SOCS6: variants seen among roughly 807,000 people sequenced by gnomAD.
SOCS6 encodes suppressor of cytokine signaling 6.
In SOCS6, 5 loss-of-function variants were observed where a neutral mutation model predicts 27.7. The ratio of observed to expected loss-of-function variants is 0.18; its 90% CI spans 0.09 to 0.38. The LOEUF is 0.38. SOCS6 is among the 10% of genes least tolerant of loss of function. The pLI is 1.00. For synonymous variants in SOCS6, 271 were observed against 260.0 expected (o/e 1.04, Z -0.41); for missense variants, 595 against 688.1 (o/e 0.86, Z 1.51).
Position 70,325,096 on chromosome 18 carries a change from A to C in SOCS6, c.428A>C (p.Asn143Thr), listed in dbSNP as rs1335923028. ...GCGCCGTGGCCTCTGCGGCCCACAA[A>C]CTCCGAGGAGACCTGCATCAAGATG... ...SPAPWPLRPT[N>T]SEETCIKMEV... Residue 143 changes from asparagine to threonine, a missense_variant, in exon 2 of 2, where the codon AAC becomes ACC. Around this residue, in one of 2 missense-constraint regions of SOCS6, gnomAD observed 467 missense variants for 481.1 expected, o/e 0.97. Transcript: ENST00000397942. This position sits in a 1 kb window ranked among gnomAD's most constrained non-coding sequence, Gnocchi z 6.3. 6.2e-7 allele frequency: 1 copy of C among 1,613,946 alleles called. No individual in the cohort carries two copies.
intron 1 of SOCS6, among the ~76,000 whole-genome samples, chr18:70,313,622 C>T (rs1408668213): frequency 1.3e-5 from 2 of 152,204 alleles, no homozygotes; most frequent in East Asian, 1.9e-4. Context: ...CATCATCATT[C>T]ATTGATAGTT....
chr18:70,309,497 A>T (rs1393192909), intron 1 of SOCS6, among the ~76,000 whole-genome samples: 1 of 151,480 alleles, frequency 6.6e-6, no homozygotes, highest in African/African-American at 2.4e-5. Context: ...TGCCAATTTA[A>T]TTCCTCTCTT....
Position 70,325,069 on chromosome 18 carries a change from C to T in SOCS6, c.401C>T (p.Pro134Leu), listed in dbSNP as rs762386375. Residue 134 changes from proline to leucine, a missense_variant, in exon 2 of 2, where the codon CCC becomes CTC. Pro to Leu is a moderately conservative substitution (Grantham distance 98, BLOSUM62 -3). Transcript: ENST00000397942. The surrounding 1 kb of genome is among the most constrained non-coding windows in gnomAD (Gnocchi z 6.3). ...TCGCTCCGCAGCCATCACTACAGTC[C>T]CGCGCCGTGGCCTCTGCGGCCCACA... is the stretch of plus-strand genomic sequence containing the variant. The part of the protein sequence containing the change: ...STSLRSHHYS[P>L]APWPLRPTNS... 6.2e-7 allele frequency: 1 copy of T among 1,614,030 alleles called. No homozygotes were observed. Among genetic ancestry groups the T allele is most frequent in the Non-Finnish European group, 8.5e-7 (1 of 1,180,042 alleles).
At position 70,328,038 on chromosome 18, in the gene SOCS6, T is replaced by G. The variant is rs191950305; in HGVS notation, c.*1762T>G. 7.8e-5 allele frequency: 13 copies of G among 167,100 alleles called. No individual in the cohort carries two copies. The East Asian group carries it at 2.5e-3, about 32-fold the overall frequency. The allele number at this position is 167,100 out of a possible 1,614,324, so 10.4% of individuals were successfully genotyped here. A position where few individuals can be genotyped will look rare whatever the true frequency, so the allele number is the denominator to read the frequency against. On this transcript the variant is annotated 3_prime_UTR_variant, in exon 2 of 2. Transcript: ENST00000397942. The stretch of plus-strand genomic sequence containing the variant: ...TTTTGGTGGGATGTTGATTGTACCT[T>G]GTTAAAAAGACTCTCATTTTCTCAT...
At chr18:70,318,469 A>C (rs1910851045) in intron 1 of SOCS6, among the ~76,000 whole-genome samples, 1 of 152,200 alleles carries the variant, frequency 6.6e-6, no homozygotes, top group Non-Finnish European at 1.5e-5. Context: ...CACTTAGTAC[A>C]ACTAGCTGGT....
intron 1 of SOCS6, among the ~76,000 whole-genome samples, chr18:70,312,231 G>T (rs926175756): frequency 3.3e-5 from 5 of 152,054 alleles, no homozygotes; most frequent in African/African-American, 1.2e-4. Flanking sequence ...ACTTAACAGG[G>T]TTATAACAAA....
chr18:70,291,036 C>T (rs1468712325), intron 1 of SOCS6, among the ~76,000 whole-genome samples: 2 of 152,324 alleles, frequency 1.3e-5, no homozygotes, highest in Non-Finnish European at 2.9e-5. Context: ...TTTTGCCTTC[C>T]AGTGTTTTTC....
chr18:70,302,193 A>T (rs1039052321), intron 1 of SOCS6, among the ~76,000 whole-genome samples: 1 of 152,146 alleles, frequency 6.6e-6, no homozygotes, highest in Non-Finnish European at 1.5e-5. Flanking sequence ...GCAAGGTAGC[A>T]GAATGGAGTA....
At chr18:70,306,477 C>CAAAAAAAAA (rs55702216) in intron 1 of SOCS6, among the ~76,000 whole-genome samples, 1 of 92,696 alleles carries the variant, frequency 1.1e-5, no homozygotes, top group Admixed American at 1.3e-4. Context: ...GACTCCATCT[C>CAAAAAAAAA]AAAAAAAAAA....
At chr18:70,321,486 A>ATTTTTTT (rs765150837) in intron 1 of SOCS6, among the ~76,000 whole-genome samples, 1,557 of 112,520 alleles carry the variant, frequency 0.014, 50 homozygotes, top group African/African-American at 0.052. Flanking sequence ...ATGCCTGGCT[A>ATTTTTTT]TTTTTTTTTT....
In SOCS6 at chr18:70,327,017, A is replaced by G. The variant is rs1485703818; in HGVS notation, c.*741A>G. On this transcript the variant is annotated 3_prime_UTR_variant, in exon 2 of 2. Transcript: ENST00000397942. ...GTAAAGAAATGTATACCACCAATTT[A>G]GAAATTGTTGCCTTTTCTGTAATTA... 6.0e-6 allele frequency: 1 copy of G among 166,174 alleles called. No individual in the cohort carries two copies. Among genetic ancestry groups the G allele is most frequent in the Non-Finnish European group, 1.5e-5 (1 of 68,102 alleles). The allele number at this position is 166,174 out of a possible 1,614,324, so 10.3% of individuals were successfully genotyped here. A position where few individuals can be genotyped will look rare whatever the true frequency, so the allele number is the denominator to read the frequency against.
At position 70,329,861 on chromosome 18, in the gene SOCS6, C is replaced by G. The variant is rs1229579857; in HGVS notation, c.*3585C>G. ...CTGTTTCTGAAAAGTGATCCAAACT[C>G]TACATCCAGAGATTATGAAAAATTC... On this transcript the variant is annotated 3_prime_UTR_variant, in exon 2 of 2. Coordinates refer to ENST00000397942, the MANE Select transcript of SOCS6 (RefSeq NM_004232.4). 6.0e-6 allele frequency: 1 copy of G among 167,022 alleles called. No homozygotes were observed. The highest frequency in any genetic ancestry group is 1.5e-5 in the Non-Finnish European group (1 of 68,098). 10.3% of individuals were successfully genotyped at this position (167,022 alleles called of 1,614,324 possible). A position where few individuals can be genotyped will look rare whatever the true frequency, so the allele number is the denominator to read the frequency against.
chr18:70,302,235 G>A (rs890972795), intron 1 of SOCS6, among the ~76,000 whole-genome samples: 1 of 145,344 alleles, frequency 6.9e-6, no homozygotes, highest in African/African-American at 2.5e-5. Flanking sequence ...GGGTAGATGG[G>A]AGCCGAGTCC....
At chr18:70,290,933 C>T (rs1197187112) in intron 1 of SOCS6, among the ~76,000 whole-genome samples, 1 of 152,228 alleles carries the variant, frequency 6.6e-6, no homozygotes, top group Non-Finnish European at 1.5e-5. Flanking sequence ...TGGTGGGCCC[C>T]CCACCCCGCA....
intron 1 of SOCS6, among the ~76,000 whole-genome samples, chr18:70,310,500 A>C (rs1600158849): frequency 1.7e-5 from 2 of 118,904 alleles, no homozygotes. Context: ...CAGAGACAGG[A>C]TCTTCCTGTG....
intron 1 of SOCS6, among the ~76,000 whole-genome samples, chr18:70,289,363 G>A (rs2062287719): frequency 6.7e-6 from 1 of 148,440 alleles, no homozygotes; most frequent in Non-Finnish European, 1.5e-5. Flanking sequence ...CGCGGAAACC[G>A]GGAAGCCGGG....
intron 1 of SOCS6, among the ~76,000 whole-genome samples, chr18:70,300,725 A>G (rs2062344705): frequency 6.6e-6 from 1 of 152,184 alleles, no homozygotes; most frequent in Admixed American, 6.5e-5. Flanking sequence ...AGCTAGTGCT[A>G]CCCCATACTT....
In SOCS6 at chr18:70,328,883, T is replaced by G. The variant is rs1192272351; in HGVS notation, c.*2607T>G. 1 of 166,928 alleles carries G rather than the reference T, an allele frequency of 6.0e-6. No homozygotes were observed. The highest frequency in any genetic ancestry group is 1.5e-5 in the Non-Finnish European group (1 of 68,098). The allele number at this position is 166,928 out of a possible 1,614,324, so 10.3% of individuals were successfully genotyped here. A position where few individuals can be genotyped will look rare whatever the true frequency, so the allele number is the denominator to read the frequency against. On this transcript the variant is annotated 3_prime_UTR_variant, in exon 2 of 2. Coordinates refer to ENST00000397942, the MANE Select transcript of SOCS6 (RefSeq NM_004232.4). ...ATCATTTAGTTTGGTCTAGACACAA[T>G]TTGGTTAAATTTTAGGATTCTATTG...
intron 1 of SOCS6, among the ~76,000 whole-genome samples, chr18:70,300,826 A>G (rs1002288018): frequency 6.6e-6 from 1 of 152,210 alleles, no homozygotes; most frequent in African/African-American, 2.4e-5. Flanking sequence ...AATTTAAGTT[A>G]AAATTATTTG....
Sources: allele counts gnomAD v4.1 joint callset (sites outside exome capture counted in the v4.1 genomes callset), GRCh38; gene constraint gnomAD v4.1.1; regional missense constraint gnomAD v4.1.1; non-coding constraint Gnocchi (gnomAD v3.1); transcripts MANE v1.5; gene names NCBI Gene and HGNC (gene_info 2026-07-23, HGNC 2026-07-21).